The following STK32B variants were observed in gnomAD, a reference collection of about 807,000 sequenced individuals.
The protein encoded by STK32B is serine/threonine kinase 32B.
A neutral mutation model predicts 52.6 loss-of-function variants in STK32B; 43 were observed. The observed-to-expected ratio is 0.82, with a 90% confidence interval of 0.64 to 1.05. STK32B has a LOEUF of 1.05. Among genes scored for constraint, STK32B ranks in the 50% least tolerant of loss-of-function variants. The probability of loss-of-function intolerance (pLI) is 0.00; values close to 1 mark genes in which losing one functional copy is unlikely to be tolerated. For missense variants in STK32B, 621 were observed against 534.6 expected, an observed-to-expected ratio of 1.16 and a Z score of -1.59; for synonymous variants, 238 against 204.3, an observed-to-expected ratio of 1.17 and a Z score of -1.41.
At chr4:5,034,420 C>G in the STK32B span, among the ~76,000 whole-genome samples, 7 of 152,204 alleles carry the variant, frequency 4.6e-5, no homozygotes, top group South Asian at 4.1e-4. Context: ...GTTCCCCTGC[C>G]TGCAGCACTC....
chr4:5,240,052 TTCTCTCTCTCTC>T (rs10563867), intron 3 of STK32B, among the ~76,000 whole-genome samples: 2 of 147,888 alleles, frequency 1.4e-5, no homozygotes, highest in African/African-American at 5.0e-5. Context: ...TTCATTTCTC[TTCTCTCTCTCTC>T]TCTCTCTCTG....
Position 5,460,869 on chromosome 4 carries a change from C to T in STK32B, c.909+641C>T, listed in dbSNP as rs796334295. Among the ~76,000 whole-genome samples, 70 of 152,280 alleles carry T rather than the reference C, an allele frequency of 4.6e-4. 1 individual carries two copies. The highest frequency in any genetic ancestry group is 1.6e-3 in the African/African-American group (67 of 41,562). On this transcript the variant is annotated intron_variant, in intron 9 of 11. Coordinates refer to ENST00000282908, the MANE Select transcript of STK32B (RefSeq NM_018401.3). This position sits in a 1 kb window ranked among gnomAD's most constrained non-coding sequence, Gnocchi z 4.8. ...GGCCAGGAGGGAACACATGCCACAC[C>T]AAAAAGGCTTCCAGAGGCCACGGTC...
chr4:5,312,034 C>G (rs1730328036), intron 3 of STK32B, among the ~76,000 whole-genome samples: 1 of 151,452 alleles, frequency 6.6e-6, no homozygotes, highest in Admixed American at 6.6e-5. Context: ...TCATTCTTCT[C>G]TCCATTATAT....
chr4:5,092,857 G>A (rs1183952148), intron 1 of STK32B, among the ~76,000 whole-genome samples: 2 of 152,144 alleles, frequency 1.3e-5, no homozygotes, highest in Non-Finnish European at 2.9e-5. Context: ...TTTGACATGC[G>A]ATTTGGGTGG....
intron 4 of STK32B, among the ~76,000 whole-genome samples, chr4:5,335,154 A>C (rs1030512609): frequency 6.6e-6 from 1 of 152,042 alleles, no homozygotes; most frequent in Non-Finnish European, 1.5e-5. Flanking sequence ...ACAATTTCAG[A>C]TCCTGTTATT....
chr4:5,440,499 T>A (rs1422385211), intron 6 of STK32B, among the ~76,000 whole-genome samples: 1 of 152,168 alleles, frequency 6.6e-6, no homozygotes, highest in Non-Finnish European at 1.5e-5. Flanking sequence ...TTAAGGAGAT[T>A]TTGGGCTGAG....
intron 3 of STK32B, among the ~76,000 whole-genome samples, chr4:5,326,093 C>T (rs1396805236): frequency 1.3e-5 from 2 of 152,026 alleles, no homozygotes; most frequent in African/African-American, 4.8e-5. Context: ...TGCAAGTTTC[C>T]CTCTGAAAAT....
rs557354757 is a variant in STK32B at position 5,134,208 on chromosome 4, G to A, written c.53-5697G>A. The stretch of plus-strand genomic sequence containing the variant: ...TTTGGCAAATCTTCCAATTTCTTGC[G>A]GTTTTAACGTGTTCCCCAAAGTTTA... On this transcript the variant is annotated intron_variant, in intron 1 of 11. Coordinates refer to ENST00000282908, the MANE Select transcript of STK32B (RefSeq NM_018401.3). Among the ~76,000 whole-genome samples, 5 of 152,250 alleles carry A rather than the reference G, an allele frequency of 3.3e-5. 1 individual carries two copies. Among genetic ancestry groups the A allele is most frequent in the South Asian group, 2.1e-4 (1 of 4,822 alleles).
intron 6 of STK32B, among the ~76,000 whole-genome samples, chr4:5,445,029 C>T (rs1186112818): frequency 2.0e-5 from 3 of 152,216 alleles, no homozygotes; most frequent in Non-Finnish European, 2.9e-5. Context: ...AACAGGAATT[C>T]AGCAGACCTG....
intron 8 of STK32B, 144 bp downstream of exon 8, chr4:5,457,067 C>T (rs1415952341): frequency 1.0e-5 from 6 of 584,968 alleles, no homozygotes; most frequent in Admixed American, 3.6e-5. Context: ...TGCCAAATGC[C>T]GTGGAATAAA....
the STK32B span, among the ~76,000 whole-genome samples, chr4:5,024,593 C>T: frequency 6.6e-6 from 1 of 152,194 alleles, no homozygotes; most frequent in African/African-American, 2.4e-5. Flanking sequence ...GAAGAAAGTC[C>T]TGAGCTTTGT....
chr4:5,179,234 AACTC>A (rs1205316196), intron 3 of STK32B, among the ~76,000 whole-genome samples: 1 of 152,190 alleles, frequency 6.6e-6, no homozygotes, highest in Admixed American at 6.5e-5. Flanking sequence ...GTCTTGTGAG[AACTC>A]ACTCACTCAC....
chr4:5,260,296 T>A (rs187119799), intron 3 of STK32B, among the ~76,000 whole-genome samples: 4 of 152,340 alleles, frequency 2.6e-5, no homozygotes, highest in Admixed American at 2.6e-4. Context: ...GATTTTCATA[T>A]GTTAAACAGA....
rs1327396864 is a variant in STK32B at position 5,399,953 on chromosome 4, G to A, written c.472+1709G>A. ...GTTCTGCTTAGCTGTCTGGAAAGCA[G>A]GGGTCTGGAAGGCTGGGTTCCAGGC... is the stretch of plus-strand genomic sequence containing the variant. On this transcript the variant is annotated intron_variant, in intron 5 of 11. Transcript: ENST00000282908. The surrounding 1 kb of genome is among the most constrained non-coding windows in gnomAD (Gnocchi z 5.4). Among the ~76,000 whole-genome samples, 2 of 152,232 alleles carry A rather than the reference G, an allele frequency of 1.3e-5. No individual in the cohort carries two copies. Among genetic ancestry groups the A allele is most frequent in the Non-Finnish European group, 2.9e-5 (2 of 68,048 alleles).
intron 1 of STK32B, among the ~76,000 whole-genome samples, chr4:5,117,787 G>T (rs187906071): frequency 2.6e-5 from 4 of 151,768 alleles, no homozygotes; most frequent in African/African-American, 9.7e-5. Context: ...TTTCTTTCAT[G>T]TTTCTTTTCT....
chr4:5,461,348 C>G (rs1717010573), intron 9 of STK32B, among the ~76,000 whole-genome samples: 2 of 152,170 alleles, frequency 1.3e-5, no homozygotes, highest in South Asian at 4.1e-4. Flanking sequence ...AGGCTGGTTC[C>G]TGGGGAGCCT....
At chr4:5,035,851 G>A in the STK32B span, among the ~76,000 whole-genome samples, 1 of 148,514 alleles carries the variant, frequency 6.7e-6, no homozygotes, top group East Asian at 2.0e-4. Context: ...GCGCGATCTT[G>A]GCTCACTGCA....
At chr4:5,373,898 T>C (rs750105661) in intron 4 of STK32B, among the ~76,000 whole-genome samples, 1 of 152,232 alleles carries the variant, frequency 6.6e-6, no homozygotes, top group Non-Finnish European at 1.5e-5. Context: ...CCTACTGTAA[T>C]TGAATTGTGT....
intron 2 of STK32B, among the ~76,000 whole-genome samples, chr4:5,154,211 C>CT (rs3072774): frequency 0.085 from 10,413 of 122,482 alleles, 661 homozygotes; most frequent in African/African-American, 0.16. Flanking sequence ...CCTTCCATGT[C>CT]TTTTTTTTTT....
Sources: gnomAD v4.1 joint callset for allele counts (sites outside exome capture counted in the v4.1 genomes callset) on GRCh38, gnomAD v4.1.1 for gene constraint, Gnocchi (gnomAD v3.1) non-coding constraint, MANE v1.5 for transcripts, NCBI Gene and HGNC (gene_info 2026-07-23, HGNC 2026-07-21) for gene names.